NOL10: variants seen among roughly 807,000 people sequenced by gnomAD.
The protein encoded by NOL10 is H_NH0074G24.1.
A neutral mutation model predicts 103.5 loss-of-function variants in NOL10; 58 were observed. The ratio of observed to expected loss-of-function variants is 0.56; its 90% CI spans 0.45 to 0.70. The LOEUF is 0.70. NOL10 is among the 30% of genes least tolerant of loss of function. The pLI is 0.00. For synonymous variants in NOL10, 287 were observed against 282.5 expected, an observed-to-expected ratio of 1.02 and a Z score of -0.16; for missense variants, 763 against 807.3, an observed-to-expected ratio of 0.95 and a Z score of 0.67.
Position 10,671,520 on chromosome 2 carries a change from G to A in NOL10, c.464+34C>T. 2.7e-6 allele frequency: 4 copies of A among 1,473,814 alleles called. No individual in the cohort carries two copies. The African/African-American group carries it at 4.3e-5, about 16-fold the overall frequency. The allele number at this position is 1,473,814 out of a possible 1,614,324, so 91.3% of individuals were successfully genotyped here. A position where few individuals can be genotyped will look rare whatever the true frequency, so the allele number is the denominator to read the frequency against. ...GGAACAGAAGTTGGTTGTTTTAGGAGGTGAAAAGGAGAAAAAGGGACTGGA... is the reference window on the plus strand; with the variant it reads ...GGAACAGAAGTTGGTTGTTTTAGGAAGTGAAAAGGAGAAAAAGGGACTGGA... On this transcript the variant is annotated intron_variant, in intron 6 of 20. Coordinates refer to ENST00000381685, the MANE Select transcript of NOL10 (RefSeq NM_024894.4).
intron 13 of NOL10, among the ~76,000 whole-genome samples, chr2:10,619,419 A>C (rs1677005808): frequency 6.6e-6 from 1 of 152,196 alleles, no homozygotes; most frequent in Non-Finnish European, 1.5e-5. Context: ...CTACCAAAGC[A>C]ATGGGAGTAC....
chr2:10,623,214 T>A (rs55861579), intron 13 of NOL10, among the ~76,000 whole-genome samples: 89,898 of 151,562 alleles, frequency 0.59, 27,625 homozygotes, highest in African/African-American at 0.74. Context: ...AAAGCAAAAG[T>A]AAAATTTTAA....
intron 16 of NOL10, 147 bp from the exon 17 acceptor site, chr2:10,601,089 A>G: frequency 1.9e-6 from 1 of 515,276 alleles, no homozygotes; most frequent in Non-Finnish European, 3.3e-6. Flanking sequence ...TTTGAGATGG[A>G]GTCTCGCTCT....
intron 9 of NOL10, 101 bp downstream of exon 9, chr2:10,662,858 A>T: frequency 1.1e-6 from 1 of 893,072 alleles, no homozygotes; most frequent in South Asian, 1.6e-5. Context: ...TGGAAAGTAC[A>T]ATTTCAGATA....
chr2:10,601,124 C>G (rs1052378554), intron 16 of NOL10, among the ~76,000 whole-genome samples, 182 bp from the exon 17 acceptor site: 1 of 151,600 alleles, frequency 6.6e-6, no homozygotes, highest in African/African-American at 2.4e-5. Context: ...AGTGCAGGGG[C>G]GCAATCTCAG....
chr2:10,621,871 G>C (rs1315204165), intron 13 of NOL10, among the ~76,000 whole-genome samples: 1 of 151,566 alleles, frequency 6.6e-6, no homozygotes, highest in Non-Finnish European at 1.5e-5. Flanking sequence ...TGTGGTCTAA[G>C]GAAGTAGCCT....
chr2:10,635,688 A>C (rs1210526083), intron 13 of NOL10, among the ~76,000 whole-genome samples: 3 of 152,208 alleles, frequency 2.0e-5, no homozygotes, highest in Admixed American at 6.5e-5. Context: ...TTGTAAGCTC[A>C]CAAGGGCGGT....
At chr2:10,660,711 C>T (rs1680141436) in intron 9 of NOL10, among the ~76,000 whole-genome samples, 1 of 152,142 alleles carries the variant, frequency 6.6e-6, no homozygotes, top group Admixed American at 6.6e-5. Context: ...GACAAGGTCA[C>T]TGATTTTTGA....
intron 6 of NOL10, 30 bp from the exon 7 acceptor site, chr2:10,668,753 TG>T: frequency 1.0e-6 from 1 of 997,522 alleles, no homozygotes; most frequent in Non-Finnish European, 1.5e-6. Flanking sequence ...GTTAAAAACC[TG>T]CTAAACTACA....
chr2:10,604,003 G>T (rs1676120947), intron 14 of NOL10, among the ~76,000 whole-genome samples: 1 of 152,214 alleles, frequency 6.6e-6, no homozygotes, highest in African/African-American at 2.4e-5. Context: ...CGGATGCAGG[G>T]AGGGACAGTT....
chr2:10,682,017 A>G lies in NOL10; in HGVS notation c.165T>C (p.Cys55=), dbSNP rs1681794803. ...CATCTTTTGACACCTTAATAGTGGTACACACAGTAGGCATTTCAAAGTCCT... is the reference window on the plus strand; with the variant it reads ...CATCTTTTGACACCTTAATAGTGGTGCACACAGTAGGCATTTCAAAGTCCT... ...LIQDFEMPTV[C]TTIKVSKDGQ... Residue 55 remains cysteine (C), a synonymous_variant, in exon 3 of 21, where the codon TGT becomes TGC. Transcript: ENST00000381685. 1.3e-6 allele frequency: 2 copies of G among 1,539,872 alleles called. No individual in the cohort carries two copies. The highest frequency in any genetic ancestry group is 1.4e-5 in the African/African-American group (1 of 72,344).
chr2:10,623,601 T>G (rs1263765184), intron 13 of NOL10, among the ~76,000 whole-genome samples: 1 of 152,236 alleles, frequency 6.6e-6, no homozygotes, highest in Non-Finnish European at 1.5e-5. Context: ...CAAACACCTT[T>G]GATATCCTAG....
intron 13 of NOL10, among the ~76,000 whole-genome samples, chr2:10,636,651 G>T (rs1678248545): frequency 6.6e-6 from 1 of 151,612 alleles, no homozygotes; most frequent in South Asian, 2.1e-4. Context: ...AAGCTGAGGA[G>T]TAAGGCTGTG....
chr2:10,602,411 G>GC (rs1676025293), intron 16 of NOL10, among the ~76,000 whole-genome samples: 1 of 152,178 alleles, frequency 6.6e-6, no homozygotes, highest in Admixed American at 6.5e-5. Flanking sequence ...TCCAAACAGA[G>GC]CCTAAGATAC....
At chr2:10,637,614 T>G (rs2148262979) in intron 13 of NOL10, among the ~76,000 whole-genome samples, 1 of 152,344 alleles carries the variant, frequency 6.6e-6, no homozygotes, top group East Asian at 1.9e-4. Context: ...AAACAACCTT[T>G]TATTACATTC....
At chr2:10,600,569 A>C (rs1214020771) in intron 17 of NOL10, among the ~76,000 whole-genome samples, 1 of 151,290 alleles carries the variant, frequency 6.6e-6, no homozygotes, top group Non-Finnish European at 1.5e-5. Flanking sequence ...TTACACATAC[A>C]AGACTCTTGC....
At chr2:10,617,382 C>G (rs1288912315) in intron 13 of NOL10, among the ~76,000 whole-genome samples, 1 of 152,208 alleles carries the variant, frequency 6.6e-6, no homozygotes, top group Non-Finnish European at 1.5e-5. Context: ...AAGGAAATCT[C>G]TGTTTATTCA....
At chr2:10,617,412 C>T (rs965021591) in intron 13 of NOL10, among the ~76,000 whole-genome samples, 5 of 152,140 alleles carry the variant, frequency 3.3e-5, no homozygotes, top group African/African-American at 9.7e-5. Flanking sequence ...AGTTCGGCAA[C>T]GAGCAGAGAC....
At chr2:10,611,005 G>A (rs1431791727) in intron 13 of NOL10, among the ~76,000 whole-genome samples, 1 of 152,076 alleles carries the variant, frequency 6.6e-6, no homozygotes, top group Non-Finnish European at 1.5e-5. Context: ...TTAGAGACAG[G>A]TTCTTGCTGT....
Sources: allele counts gnomAD v4.1 joint callset (sites outside exome capture counted in the v4.1 genomes callset), GRCh38; gene constraint gnomAD v4.1.1; transcripts MANE v1.5; gene names NCBI Gene and HGNC (gene_info 2026-07-23, HGNC 2026-07-21).